Variants in TRDN observed in about 807,000 individuals in gnomAD.
TRDN encodes triadin.
Under a neutral mutation model 149.7 loss-of-function variants are expected in TRDN, and 161 were observed. The observed-to-expected ratio is 1.08, with a 90% CI of 0.95 to 1.23. The LOEUF (loss-of-function observed/expected upper bound fraction) is 1.23, where lower values mean the gene tolerates loss of function less well. Among genes scored for constraint, TRDN ranks in the 50% most tolerant of loss-of-function variants. The pLI, the probability that TRDN is intolerant of heterozygous loss-of-function variation, is 0.00. For synonymous variants in TRDN, 294 were observed against 250.5 expected (o/e 1.17, Z -1.64); for missense variants, 896 against 823.5 (o/e 1.09, Z -1.08).
At chr6:123,558,623 A>G (rs1781807821) in intron 2 of TRDN, among the ~76,000 whole-genome samples, 1 of 152,144 alleles carries the variant, frequency 6.6e-6, no homozygotes, top group Admixed American at 6.5e-5. Context: ...TCAAAAGGCC[A>G]TCTTATTCTC....
chr6:123,467,259 G>T (rs951391730), intron 9 of TRDN, among the ~76,000 whole-genome samples: 1 of 151,476 alleles, frequency 6.6e-6, no homozygotes, highest in Admixed American at 6.6e-5. Context: ...AAAGGAGCCT[G>T]CCAGGTAAGG....
chr6:123,476,800 G>A lies in TRDN; in HGVS notation c.854-11817C>T, dbSNP rs1387268910. ...TCTTTGACAAACCTGAGAAAAACAA[G>A]CAATGGGGAAAGGATTCCCTATTTA... On this transcript the variant is annotated intron_variant, in intron 9 of 40. Transcript: ENST00000334268. Among the ~76,000 whole-genome samples the A allele has an allele frequency of 3.4e-4, 52 of 151,276 alleles. 1 individual carries two copies. The East Asian group carries it at 9.8e-3, about 28-fold the overall frequency.
rs139389287 is a variant in TRDN, at chr6:123,496,923, T to G, written c.853+270A>C. On this transcript the variant is annotated intron_variant, in intron 9 of 40. Transcript: ENST00000334268. ...GATTCACTGCTTCACTTCAAGACAT[T>G]ATTAAAGATTTTAGCATTCCTTATA... Among the ~76,000 whole-genome samples, 779 of 152,190 alleles carry G rather than the reference T, an allele frequency of 5.1e-3. 10 individuals are homozygous for G. Among genetic ancestry groups the G allele is most frequent in the African/African-American group, 0.018 (737 of 41,576 alleles).
rs1457562268 is a variant in TRDN, at chr6:123,272,982, C to A, written c.1654G>T (p.Val552Phe). 7.8e-6 allele frequency: 12 copies of A among 1,530,108 alleles called. No homozygotes were observed. Among genetic ancestry groups the A allele is most frequent in the Non-Finnish European group, 9.7e-6 (11 of 1,139,046 alleles). The allele number at this position is 1,530,108 out of a possible 1,614,324, so 94.8% of individuals were successfully genotyped here. ...KQDIVKPEKT[V>F]SHGKPEEKVL... ...AAAATACCTGGTTTACCATGAGAAACAGTCTTTTCTGGTTTCACTATGTCT... is the reference window on the plus strand; with the variant it reads ...AAAATACCTGGTTTACCATGAGAAAAAGTCTTTTCTGGTTTCACTATGTCT... Residue 552 changes from valine (V) to phenylalanine (F), a missense_variant, in exon 29 of 41, where the codon GTT (valine) becomes TTT (phenylalanine). Coordinates refer to ENST00000334268, the MANE Select transcript of TRDN (RefSeq NM_006073.4).
At chr6:123,416,102 A>G (rs1773639328) in intron 12 of TRDN, among the ~76,000 whole-genome samples, 2 of 152,198 alleles carry the variant, frequency 1.3e-5, no homozygotes, top group African/African-American at 4.8e-5. Flanking sequence ...CAGTGACAGC[A>G]GTGTCACTAA....
intron 13 of TRDN, 115 bp downstream of exon 13, chr6:123,393,509 T>C: frequency 1.1e-6 from 1 of 879,230 alleles, no homozygotes; most frequent in Non-Finnish European, 1.7e-6. Context: ...AATATTTTTT[T>C]TGCAATATCC....
chr6:123,596,226 T>G (rs1784031179), intron 1 of TRDN, among the ~76,000 whole-genome samples: 1 of 152,046 alleles, frequency 6.6e-6, no homozygotes, highest in African/African-American at 2.4e-5. Context: ...AACACTCCCT[T>G]CAGCCAAAGC....
At chr6:123,343,439 T>G (rs1415628084) in intron 21 of TRDN, among the ~76,000 whole-genome samples, 1 of 151,852 alleles carries the variant, frequency 6.6e-6, no homozygotes, top group Non-Finnish European at 1.5e-5. Flanking sequence ...ACTGTTCAAA[T>G]TGAAACTTAA....
chr6:123,592,436 A>G (rs1162209113), intron 1 of TRDN, among the ~76,000 whole-genome samples: 1 of 152,168 alleles, frequency 6.6e-6, no homozygotes, highest in Admixed American at 6.6e-5. Flanking sequence ...GGGGGACTCA[A>G]CCTTGTATTA....
intron 7 of TRDN, among the ~76,000 whole-genome samples, chr6:123,507,272 T>C (rs1778972428): frequency 6.6e-6 from 1 of 152,176 alleles, no homozygotes; most frequent in Non-Finnish European, 1.5e-5. Context: ...CTTAACTTTA[T>C]AGTATGGAAC....
chr6:123,478,340 A>G (rs1455807786), intron 9 of TRDN, among the ~76,000 whole-genome samples: 1 of 152,192 alleles, frequency 6.6e-6, no homozygotes, highest in Non-Finnish European at 1.5e-5. Flanking sequence ...GAGGCCCAGT[A>G]CTTAAAGACC....
chr6:123,313,848 C>A (rs1156427631), intron 24 of TRDN, among the ~76,000 whole-genome samples: 1 of 151,916 alleles, frequency 6.6e-6, no homozygotes, highest in Non-Finnish European at 1.5e-5. Flanking sequence ...AAAATTATCT[C>A]AAGATGGATT....
chr6:123,287,965 A>G (rs1170628087), intron 24 of TRDN, among the ~76,000 whole-genome samples: 1 of 151,872 alleles, frequency 6.6e-6, no homozygotes, highest in African/African-American at 2.4e-5. Flanking sequence ...TATTTTCTAT[A>G]TTTTCCAAAT....
intron 38 of TRDN, among the ~76,000 whole-genome samples, chr6:123,228,432 G>A (rs1775469840): frequency 6.6e-6 from 1 of 151,898 alleles, no homozygotes; most frequent in Non-Finnish European, 1.5e-5. Flanking sequence ...GAGGCCTCAG[G>A]AAACTTACAT....
At chr6:123,503,621 T>A (rs1403644453) in intron 8 of TRDN, 98 bp downstream of exon 8, 3 of 1,552,976 alleles carry the variant, frequency 1.9e-6, no homozygotes, top group African/African-American at 2.7e-5. Context: ...CCATTTGAAG[T>A]CTGATTTTGG....
intron 2 of TRDN, among the ~76,000 whole-genome samples, 173 bp from the exon 3 acceptor site, chr6:123,548,785 T>C (rs1781246085): frequency 6.6e-6 from 1 of 152,004 alleles, no homozygotes; most frequent in African/African-American, 2.4e-5. Flanking sequence ...TTCATCTTGC[T>C]ATAATATGCA....
intron 24 of TRDN, among the ~76,000 whole-genome samples, chr6:123,296,477 C>T (rs575848593): frequency 5.1e-4 from 78 of 152,196 alleles, no homozygotes; most frequent in African/African-American, 1.9e-3. Context: ...CTACATTTTA[C>T]TTGAAGCCAT....
intron 21 of TRDN, chr6:123,350,591 CATT>C (rs1203520214): frequency 5.6e-6 from 4 of 717,072 alleles, no homozygotes; most frequent in South Asian, 1.3e-4. Flanking sequence ...TATAGAATGT[CATT>C]ATTACTTCTC....
chr6:123,356,216 C>A (rs144626238), intron 20 of TRDN, among the ~76,000 whole-genome samples: 260 of 151,558 alleles, frequency 1.7e-3, no homozygotes, highest in South Asian at 0.015. Flanking sequence ...GGGGGAAAAC[C>A]TTTAATTTCC....
Sources: gnomAD v4.1 joint callset for allele counts (sites outside exome capture counted in the v4.1 genomes callset) on GRCh38, gnomAD v4.1.1 for gene constraint, MANE v1.5 for transcripts, NCBI Gene and HGNC (gene_info 2026-07-23, HGNC 2026-07-21) for gene names.